DSCC1: variants seen among roughly 807,000 people sequenced by gnomAD.
DSCC1 encodes the protein sister chromatid cohesion protein DCC1.
Under a neutral mutation model 48.2 loss-of-function variants are expected in DSCC1, and 32 were observed. The ratio of observed to expected loss-of-function variants is 0.66; its 90% CI spans 0.50 to 0.89. The LOEUF is 0.89. Ranked by LOEUF, DSCC1 falls within the 40% of genes least tolerant of loss-of-function variation. DSCC1 has a pLI of 0.00. For synonymous variants in DSCC1, 150 were observed against 171.5 expected (o/e 0.87, Z 0.98); for missense variants, 421 against 471.7 (o/e 0.89, Z 1.00).
intron 7 of DSCC1, 83 bp from the exon 8 acceptor site, chr8:119,838,490 G>T (rs879147803): frequency 2.6e-4 from 361 of 1,383,886 alleles, no homozygotes; most frequent in Admixed American, 1.1e-3. Context: ...TTTAGGTTTA[G>T]CTTAGCTCAA....
intron 7 of DSCC1, 21 bp from the exon 8 acceptor site, chr8:119,838,428 CAG>C (rs1300073589): frequency 1.9e-6 from 3 of 1,548,162 alleles, no homozygotes; most frequent in Non-Finnish European, 2.6e-6. Flanking sequence ...TGAGAAGAAA[CAG>C]AGCAGTTAAA....
chr8:119,847,580 T>C (rs7017279), intron 3 of DSCC1, among the ~76,000 whole-genome samples: 104,704 of 151,956 alleles, frequency 0.69, 36,902 homozygotes, highest in African/African-American at 0.83. Context: ...AGATGGATAG[T>C]GCTAATGACT....
At chr8:119,845,558 G>A (rs908150239) in intron 4 of DSCC1, among the ~76,000 whole-genome samples, 1 of 151,836 alleles carries the variant, frequency 6.6e-6, no homozygotes, top group African/African-American at 2.4e-5. Context: ...AGTAATCTAC[G>A]CATCCCCCTA....
intron 8 of DSCC1, among the ~76,000 whole-genome samples, chr8:119,835,462 G>A (rs889217856): frequency 2.0e-5 from 3 of 151,714 alleles, no homozygotes; most frequent in South Asian, 2.1e-4. Flanking sequence ...AGCGGAGATC[G>A]CGCCACTGCA....
In DSCC1 at chr8:119,847,188, T is replaced by C; in HGVS notation, c.487-108A>G. Reference sequence around the variant, plus strand: ...ATAGAACAGATTAAGGCAATATTTATGCACTAGCTCAGTTTCTTTTGTTAA... The same window carrying C: ...ATAGAACAGATTAAGGCAATATTTACGCACTAGCTCAGTTTCTTTTGTTAA... On this transcript the variant is annotated intron_variant, in intron 3 of 8. Coordinates refer to ENST00000313655, the MANE Select transcript of DSCC1 (RefSeq NM_024094.3). 3 of 840,782 alleles carry C rather than the reference T, an allele frequency of 3.6e-6. No individual in the cohort carries two copies. The South Asian group carries it at 4.7e-5, about 13-fold the overall frequency. The allele number at this position is 840,782 out of a possible 1,614,324, so 52.1% of individuals were successfully genotyped here.
rs764250127 is a variant in DSCC1, at chr8:119,855,762, G to A, written c.34C>T (p.Leu12=). 8.3e-6 allele frequency: 13 copies of A among 1,568,544 alleles called. No homozygotes were observed. The Admixed American group carries it at 1.6e-4, about 19-fold the overall frequency. ...GCCGCATTCAGCTTGGCGATCTGCA[G>A]CGTCGCATCCACCTCGTCGCGGGTC... ...KRTRDEVDAT[L]QIAKLNAAEL... Residue 12 remains leucine (L), a synonymous_variant, in exon 1 of 9, where the codon CTG becomes TTG. Transcript: ENST00000313655.
chr8:119,855,829 G>C lies in DSCC1; in HGVS notation c.-34C>G. 7.0e-7 allele frequency: 1 copy of C among 1,423,976 alleles called. No individual in the cohort carries two copies. Among genetic ancestry groups the C allele is most frequent in the Non-Finnish European group, 9.2e-7 (1 of 1,088,726 alleles). The allele number at this position is 1,423,976 out of a possible 1,614,324, so 88.2% of individuals were successfully genotyped here. A position where few individuals can be genotyped will look rare whatever the true frequency, so the allele number is the denominator to read the frequency against. ...CGGGTCTAGGAGTCCCGCCGCGCCCGGGTGGCTGCGGGCTTGGCGGGCAAG... is the reference window on the plus strand; with the variant it reads ...CGGGTCTAGGAGTCCCGCCGCGCCCCGGTGGCTGCGGGCTTGGCGGGCAAG... On this transcript the variant is annotated 5_prime_UTR_variant, in exon 1 of 9. Coordinates refer to ENST00000313655, the MANE Select transcript of DSCC1 (RefSeq NM_024094.3).
chr8:119,835,527 A>G (rs1187497079), intron 8 of DSCC1, among the ~76,000 whole-genome samples: 1 of 152,106 alleles, frequency 6.6e-6, no homozygotes, highest in East Asian at 1.9e-4. Context: ...ACAAAAAAAA[A>G]AGCAAAAAAC....
intron 2 of DSCC1, among the ~76,000 whole-genome samples, chr8:119,851,453 G>T (rs1029188091): frequency 6.6e-6 from 1 of 152,150 alleles, no homozygotes; most frequent in Non-Finnish European, 1.5e-5. Context: ...CAAAAAAATG[G>T]CAGCCTTCTG....
At chr8:119,835,066 T>C in intron 8 of DSCC1, 65 bp from the exon 9 acceptor site, 1 of 1,075,782 alleles carries the variant, frequency 9.3e-7, no homozygotes, top group South Asian at 1.5e-5. Flanking sequence ...TACAGTACTA[T>C]GTACTTATTT....
chr8:119,846,805 C>T (rs1421688812), intron 4 of DSCC1, among the ~76,000 whole-genome samples, 185 bp downstream of exon 4: 1 of 152,148 alleles, frequency 6.6e-6, no homozygotes, highest in African/African-American at 2.4e-5. Flanking sequence ...AGTATCTGCC[C>T]GCCTCAGCTT....
chr8:119,854,643 TTTTTG>T (rs138808864), intron 1 of DSCC1, among the ~76,000 whole-genome samples: 6,998 of 152,200 alleles, frequency 0.046, 267 homozygotes, highest in South Asian at 0.13. Context: ...TGTTTTTATT[TTTTTG>T]TTTTTGTTTT....
At chr8:119,847,387 A>G (rs1331808812) in intron 3 of DSCC1, among the ~76,000 whole-genome samples, 1 of 152,222 alleles carries the variant, frequency 6.6e-6, no homozygotes, top group East Asian at 1.9e-4. Flanking sequence ...TTGCACTTCA[A>G]AACACTATCA....
Position 119,834,918 on chromosome 8 carries a change from T to G in DSCC1, c.1157A>C (p.Tyr386Ser). ...TTAAGAAATGGGTCTTCTCGAATTA[T>G]AAACTTTAACACCATTTTGCATCGA... The part of the protein sequence containing the change: ...HSSMQNGVKV[Y>S]NSRRPIS The change falls in exon 9 of 9, where the codon TAT (tyrosine) becomes TCT (serine). Residue 386 changes from tyrosine to serine, a missense_variant. This residue lies in a region of DSCC1 where 238 missense variants were observed against 259.0 expected (regional missense o/e 0.92). Transcript: ENST00000313655. The G allele has an allele frequency of 6.2e-7, 1 of 1,608,858 alleles. No individual in the cohort carries two copies. Among genetic ancestry groups the G allele is most frequent in the Non-Finnish European group, 8.5e-7 (1 of 1,176,676 alleles).
Position 119,834,995 on chromosome 8 carries a change from C to T in DSCC1, c.1080G>A (p.Leu360=), listed in dbSNP as rs747185925. The T allele has an allele frequency of 1.9e-6, 3 of 1,584,734 alleles. No individual in the cohort carries two copies. In the South Asian group the frequency reaches 3.4e-5, roughly 18 times the overall value. The part of the protein sequence containing the change: ...EEDIAPYIQD[L]CGEKQTIGAL... ...CACCTATGGTTTGCTTCTCTCCACA[C>T]AAATCTCTGTAGGAACAATAAAAAA... Residue 360 remains leucine, a synonymous_variant, in exon 9 of 9, where the codon TTG becomes TTA. Coordinates refer to ENST00000313655, the MANE Select transcript of DSCC1 (RefSeq NM_024094.3).
At chr8:119,846,046 C>T (rs932031232) in intron 4 of DSCC1, among the ~76,000 whole-genome samples, 1 of 151,800 alleles carries the variant, frequency 6.6e-6, no homozygotes, top group Non-Finnish European at 1.5e-5. Context: ...GTTAGTTGCC[C>T]TTCCTAGGCC....
intron 4 of DSCC1, among the ~76,000 whole-genome samples, chr8:119,845,260 G>A (rs1398760805): frequency 6.6e-6 from 1 of 151,706 alleles, no homozygotes; most frequent in African/African-American, 2.4e-5. Flanking sequence ...CAAGTTTTTT[G>A]TATTTTTACT....
At chr8:119,835,935 G>T (rs932981927) in intron 8 of DSCC1, among the ~76,000 whole-genome samples, 1 of 152,256 alleles carries the variant, frequency 6.6e-6, no homozygotes, top group Non-Finnish European at 1.5e-5. Context: ...CAGGGAAAAA[G>T]AATTGTGACT....
chr8:119,842,823 A>G lies in DSCC1; in HGVS notation c.722T>C (p.Met241Thr). The change falls in exon 6 of 9, where the codon ATG becomes ACG. Residue 241 changes from methionine (M) to threonine (T), a missense_variant. Transcript: ENST00000313655. ...QELGPLEPEE[M>T]IEHCLKCYGK... ...ATAACATTTAAGACAGTGTTCTATCATTTCCCTGAAAAATTTAAAACACCC... is the reference window on the plus strand; with the variant it reads ...ATAACATTTAAGACAGTGTTCTATCGTTTCCCTGAAAAATTTAAAACACCC... The G allele has an allele frequency of 6.3e-7, 1 of 1,593,980 alleles. No homozygotes were observed.
Sources: allele counts gnomAD v4.1 joint callset (sites outside exome capture counted in the v4.1 genomes callset), GRCh38; gene constraint gnomAD v4.1.1; regional missense constraint gnomAD v4.1.1; transcripts MANE v1.5; gene names NCBI Gene and HGNC (gene_info 2026-07-23, HGNC 2026-07-21).